Variants in DET1 observed in about 807,000 individuals in gnomAD.
DET1 encodes DET1 partner of COP1 E3 ubiquitin ligase, also known as DET1 homolog.
In DET1, 22 loss-of-function variants were observed where a neutral mutation model predicts 43.7. The observed-to-expected ratio is 0.50, with a 90% CI of 0.36 to 0.72. The LOEUF is 0.72. Among genes scored for constraint, DET1 ranks in the 30% least tolerant of loss-of-function variants. The pLI is 0.00. For synonymous variants in DET1, 315 were observed against 266.2 expected, an observed-to-expected ratio of 1.18 and a Z score of -1.79; for missense variants, 713 against 713.3, an observed-to-expected ratio of 1.00 and a Z score of 0.00.
At chr15:88,524,244 C>T (rs10468104) in intron 3 of DET1, among the ~76,000 whole-genome samples, 50,081 of 151,232 alleles carry the variant, frequency 0.33, 9,256 homozygotes, top group Middle Eastern at 0.43. Flanking sequence ...TCTGCCTGGC[C>T]GCCCCATCTG....
At chr15:88,524,944 A>G (rs1214006598) in intron 3 of DET1, among the ~76,000 whole-genome samples, 3 of 152,198 alleles carry the variant, frequency 2.0e-5, no homozygotes, top group Non-Finnish European at 4.4e-5. Context: ...AGAATGATCA[A>G]TAAATACTAT....
chr15:88,533,609 G>A (rs908950725), intron 1 of DET1, among the ~76,000 whole-genome samples: 3 of 152,042 alleles, frequency 2.0e-5, no homozygotes, highest in Non-Finnish European at 4.4e-5. Flanking sequence ...CCTTCAAAAG[G>A]AAGAAAATTC....
Position 88,531,723 on chromosome 15 carries a change from G to A in DET1, c.-10-8C>T, listed in dbSNP as rs1444302807. On this transcript the variant is annotated splice_region_variant and splice_polypyrimidine_tract_variant and intron_variant, in intron 1 of 4. Coordinates refer to ENST00000268148, the MANE Select transcript of DET1 (RefSeq NM_001144074.3). This position sits in a 1 kb window ranked among gnomAD's most constrained non-coding sequence, Gnocchi z 6.2. ...TGATCCATTATCACATCTCTAAACA[G>A]AAAAGTAAAGCAGAAGTCAAGAAAG... 2 of 1,586,048 alleles carry A rather than the reference G, an allele frequency of 1.3e-6. No individual in the cohort carries two copies. The highest frequency in any genetic ancestry group is 2.3e-5 in the East Asian group (1 of 44,332).
chr15:88,544,445 C>A (rs944179430), intron 1 of DET1, among the ~76,000 whole-genome samples: 1 of 152,180 alleles, frequency 6.6e-6, no homozygotes. Context: ...ATATCACAAG[C>A]TAATTTATTA....
intron 7 of DET1, among the ~76,000 whole-genome samples, chr15:88,506,854 A>G (rs1426763472): frequency 6.6e-6 from 1 of 152,170 alleles, no homozygotes; most frequent in Non-Finnish European, 1.5e-5. Flanking sequence ...CTCCCTGCCA[A>G]GCAGGGATGG....
intron 1 of DET1, among the ~76,000 whole-genome samples, chr15:88,535,241 T>C (rs545304263): frequency 3.3e-5 from 5 of 151,982 alleles, no homozygotes; most frequent in African/African-American, 1.2e-4. Flanking sequence ...AATAAAAAAC[T>C]CACTGATGGG....
chr15:88,533,721 A>C (rs774642556), intron 1 of DET1, among the ~76,000 whole-genome samples: 16 of 152,044 alleles, frequency 1.1e-4, no homozygotes, highest in Non-Finnish European at 2.2e-4. Flanking sequence ...ATGAAGTATC[A>C]AACGTAATCA....
downstream of DET1, among the ~76,000 whole-genome samples, chr15:88,508,986 A>G (rs2056170385): frequency 6.6e-6 from 1 of 152,226 alleles, no homozygotes; most frequent in Non-Finnish European, 1.5e-5. Flanking sequence ...TCCAGTGGAC[A>G]GGTAGAGGGG....
At chr15:88,529,689 A>G (rs557366701) in intron 2 of DET1, among the ~76,000 whole-genome samples, 144 of 152,336 alleles carry the variant, frequency 9.5e-4, no homozygotes, top group African/African-American at 3.3e-3. Context: ...TTCGTGGTTT[A>G]CTGATTTGCT....
At chr15:88,533,852 T>TAAAAAA (rs368408722) in intron 1 of DET1, among the ~76,000 whole-genome samples, 993 of 39,082 alleles carry the variant, frequency 0.025, 21 homozygotes, top group Middle Eastern at 0.083. Context: ...ACCCAATCTC[T>TAAAAAA]AAAAAAAAAA....
chr15:88,524,151 G>A (rs376914285), intron 3 of DET1, among the ~76,000 whole-genome samples: 14 of 150,872 alleles, frequency 9.3e-5, no homozygotes, highest in African/African-American at 2.0e-4. Context: ...TGTAAGGAGC[G>A]CCTCTGTCCG....
At position 88,516,790 on chromosome 15, in the gene DET1, G is replaced by A; in HGVS notation, c.1455C>T (p.His485=). The change falls in exon 4 of 5, where the codon CAC becomes CAT. Residue 485 remains histidine (H), a synonymous_variant. Coordinates refer to ENST00000268148, the MANE Select transcript of DET1 (RefSeq NM_001144074.3). The surrounding 1 kb of genome is among the most constrained non-coding windows in gnomAD (Gnocchi z 4.4). ...VMERPKTCGD[H]PIRFYARDSG... is the part of the protein sequence containing the mutation. ...TAGCAGTGACACTGTACCTGATTGG[G>A]TGATCTCCACAAGTCTTGGGCCGCT... 4 of 1,577,694 alleles carry A rather than the reference G, an allele frequency of 2.5e-6. No homozygotes were observed. Among genetic ancestry groups the A allele is most frequent in the Non-Finnish European group, 2.6e-6 (3 of 1,165,996 alleles).
At chr15:88,515,092 C>T (rs1223184140) in intron 4 of DET1, among the ~76,000 whole-genome samples, 1 of 152,042 alleles carries the variant, frequency 6.6e-6, no homozygotes, top group Non-Finnish European at 1.5e-5. Flanking sequence ...TCCCGCTTTA[C>T]AGGACATATG....
At chr15:88,515,636 A>G (rs975162460) in intron 4 of DET1, among the ~76,000 whole-genome samples, 2 of 151,932 alleles carry the variant, frequency 1.3e-5, no homozygotes, top group Non-Finnish European at 1.5e-5. Context: ...AACTATAAAA[A>G]GAATATTTAT....
intron 3 of DET1, among the ~76,000 whole-genome samples, chr15:88,522,512 G>GTTTCTTTTTTTTTTTTTTTTTT (rs1687176742): frequency 1.2e-5 from 1 of 80,258 alleles, no homozygotes; most frequent in Non-Finnish European, 2.3e-5. Context: ...AATGTTCCTG[G>GTTTCTTTTTTTTTTTTTTTTTT]TTTTTTTTTT....
Position 88,533,852 on chromosome 15 carries a change from TAAAAAAA to T in DET1, c.-10-2144_-10-2138del, listed in dbSNP as rs368408722. ...GGGCAACAGAGCAAGACCCAATCTC[TAAAAAAA>T]AAAAAAAAAAAAAAAAATTAATGTA... On this transcript the variant is annotated intron_variant, in intron 1 of 4. Coordinates refer to ENST00000268148, the MANE Select transcript of DET1 (RefSeq NM_001144074.3). 3.4e-3 allele frequency among the ~76,000 whole-genome samples: 133 copies of T among 39,222 alleles called. 1 individual carries two copies. Among genetic ancestry groups the T allele is most frequent in the South Asian group, 0.011 (4 of 366 alleles). The allele number at this position is 39,222 out of a possible 152,430, so 25.7% of individuals were successfully genotyped here.
intron 1 of DET1, among the ~76,000 whole-genome samples, chr15:88,538,979 G>T (rs2057023421): frequency 6.6e-6 from 1 of 152,170 alleles, no homozygotes; most frequent in South Asian, 2.1e-4. Flanking sequence ...TTGGTTTTCT[G>T]GTAGGCGCCT....
chr15:88,542,101 A>T (rs2057123444), intron 1 of DET1, among the ~76,000 whole-genome samples: 1 of 152,130 alleles, frequency 6.6e-6, no homozygotes, highest in Non-Finnish European at 1.5e-5. Context: ...GACCTCACTG[A>T]TGGAGTCCAT....
chr15:88,539,263 G>A (rs2057033655), intron 1 of DET1, among the ~76,000 whole-genome samples: 1 of 151,990 alleles, frequency 6.6e-6, no homozygotes, highest in African/African-American at 2.4e-5. Flanking sequence ...CACAGTTTGA[G>A]TGGGCCCTCA....
Sources: gnomAD v4.1 joint callset for allele counts (sites outside exome capture counted in the v4.1 genomes callset) on GRCh38, gnomAD v4.1.1 for gene constraint, Gnocchi (gnomAD v3.1) non-coding constraint, MANE v1.5 for transcripts, NCBI Gene and HGNC (gene_info 2026-07-23, HGNC 2026-07-21) for gene names.